The following SLIT2 variants were observed in gnomAD, a reference collection of about 807,000 sequenced individuals.
SLIT2 encodes the protein slit guidance ligand 2.
SLIT2 carries 41 observed loss-of-function variants against 185.7 expected under a neutral mutation model. The ratio of observed to expected loss-of-function variants is 0.22; its 90% CI spans 0.17 to 0.29. The LOEUF (loss-of-function observed/expected upper bound fraction) is 0.29, where lower values mean the gene tolerates loss of function less well. Among genes scored for constraint, SLIT2 ranks in the 10% least tolerant of loss-of-function variants. SLIT2 has a pLI of 1.00. For missense variants in SLIT2, 1,571 were observed against 1,909.0 expected (o/e 0.82, Z 3.30); for synonymous variants, 693 against 680.2 (o/e 1.02, Z -0.29).
chr4:20,569,963 T>C (rs1413898069), intron 29 of SLIT2, among the ~76,000 whole-genome samples: 1 of 152,100 alleles, frequency 6.6e-6, no homozygotes, highest in African/African-American at 2.4e-5. Context: ...AATTAAATTT[T>C]CCCAGGGATT....
At chr4:20,564,627 C>T (rs1724943725) in intron 26 of SLIT2, among the ~76,000 whole-genome samples, 3 of 151,910 alleles carry the variant, frequency 2.0e-5, no homozygotes, top group Middle Eastern at 3.4e-3. Flanking sequence ...GCTAACTTTA[C>T]CATTTTGGTA....
chr4:20,476,456 A>G (rs570858495), intron 5 of SLIT2, among the ~76,000 whole-genome samples: 1 of 152,282 alleles, frequency 6.6e-6, no homozygotes, highest in African/African-American at 2.4e-5. Context: ...AAAGTAAACT[A>G]TTTCTAGCAC....
chr4:20,415,373 T>C (rs1727573137), intron 4 of SLIT2, among the ~76,000 whole-genome samples: 1 of 124,254 alleles, frequency 8.0e-6, no homozygotes, highest in Admixed American at 1.1e-4. Context: ...ATCGCACCAC[T>C]GCGCTCCAGC....
intron 4 of SLIT2, among the ~76,000 whole-genome samples, chr4:20,413,670 C>A (rs551456660): frequency 6.6e-6 from 1 of 152,006 alleles, no homozygotes; most frequent in African/African-American, 2.4e-5. Flanking sequence ...ATATATTGAT[C>A]ATTTTCTAAT....
chr4:20,388,165 A>G (rs1725083287), intron 4 of SLIT2, among the ~76,000 whole-genome samples: 2 of 152,160 alleles, frequency 1.3e-5, no homozygotes, highest in Non-Finnish European at 2.9e-5. Context: ...TTTCTTAAAT[A>G]TGGTATCAAA....
chr4:20,535,909 C>T (rs1350283742), intron 18 of SLIT2, among the ~76,000 whole-genome samples: 1 of 152,054 alleles, frequency 6.6e-6, no homozygotes, highest in Non-Finnish European at 1.5e-5. Flanking sequence ...TGCCATTGTG[C>T]GAACATCCTA....
At chr4:20,433,217 C>T (rs772189252) in intron 4 of SLIT2, among the ~76,000 whole-genome samples, 12 of 152,218 alleles carry the variant, frequency 7.9e-5, no homozygotes, top group Non-Finnish European at 1.6e-4. Context: ...ACTGTGTTGA[C>T]TTAAGACTGG....
intron 4 of SLIT2, among the ~76,000 whole-genome samples, chr4:20,297,966 T>C (rs1363427933): frequency 6.6e-6 from 1 of 152,200 alleles, no homozygotes; most frequent in Non-Finnish European, 1.5e-5. Context: ...CCCAGGCCAG[T>C]GCACACAGCC....
chr4:20,592,942 T>G (rs1458796060), intron 30 of SLIT2, among the ~76,000 whole-genome samples: 1 of 152,200 alleles, frequency 6.6e-6, no homozygotes, highest in Non-Finnish European at 1.5e-5. Context: ...TTTGCTACTC[T>G]TAGAGGCTAT....
At chr4:20,292,851 G>T (rs946119369) in intron 4 of SLIT2, among the ~76,000 whole-genome samples, 3 of 152,234 alleles carry the variant, frequency 2.0e-5, no homozygotes, top group African/African-American at 7.2e-5. Flanking sequence ...ATGATACAGT[G>T]ATAATGTATT....
intron 9 of SLIT2, among the ~76,000 whole-genome samples, chr4:20,505,932 G>A (rs1719169395): frequency 2.0e-5 from 3 of 152,010 alleles, no homozygotes; most frequent in African/African-American, 7.2e-5. Context: ...GAGACAGAAT[G>A]GGAAGAAGTT....
At chr4:20,318,191 A>G (rs1718758494) in intron 4 of SLIT2, among the ~76,000 whole-genome samples, 1 of 152,130 alleles carries the variant, frequency 6.6e-6, no homozygotes, top group Admixed American at 6.5e-5. Flanking sequence ...TGATCCCCTC[A>G]GTAGATGCAA....
chr4:20,441,482 C>T (rs1729733389), intron 4 of SLIT2, among the ~76,000 whole-genome samples: 1 of 147,368 alleles, frequency 6.8e-6, no homozygotes, highest in African/African-American at 2.5e-5. Context: ...TTCCCTCATC[C>T]AATCTCTCTC....
intron 6 of SLIT2, among the ~76,000 whole-genome samples, chr4:20,482,303 C>A (rs1054147683): frequency 2.0e-5 from 3 of 151,854 alleles, no homozygotes; most frequent in Admixed American, 1.3e-4. Context: ...CCATAAATTA[C>A]CTTGTTATTA....
chr4:20,511,101 C>T lies in SLIT2; in HGVS notation c.1022C>T (p.Pro341Leu). 2 of 1,608,126 alleles carry T rather than the reference C, an allele frequency of 1.2e-6. No individual in the cohort carries two copies. The highest frequency in any genetic ancestry group is 1.7e-6 in the Non-Finnish European group (2 of 1,175,356). The change falls in exon 11 of 37, where the codon CCA (proline) becomes CTA (leucine). Residue 341 changes from proline (P) to leucine (L), a missense_variant. Pro to Leu is a moderately conservative substitution (Grantham distance 98, BLOSUM62 -3). Transcript: ENST00000504154. ...AATAATCAGATCTCTGAACTTGCAC[C>T]AGATGCTTTCCAAGGACTACGCTCT... The part of the protein sequence containing the change: ...LSNNQISELA[P>L]DAFQGLRSLN...
chr4:20,555,903 G>T (rs1435256300), intron 26 of SLIT2, among the ~76,000 whole-genome samples: 1 of 151,638 alleles, frequency 6.6e-6, no homozygotes, highest in East Asian at 1.9e-4. Context: ...CAATACCCCA[G>T]AAAATTGTGT....
intron 4 of SLIT2, among the ~76,000 whole-genome samples, chr4:20,385,907 GCTTATGTAATTCTCTT>G (rs1319581205): frequency 6.6e-6 from 1 of 152,078 alleles, no homozygotes; most frequent in Non-Finnish European, 1.5e-5. Context: ...ACTTGTGGTT[GCTTATGTAATTCTCTT>G]CTTTGATAAC....
intron 4 of SLIT2, among the ~76,000 whole-genome samples, chr4:20,390,935 A>G (rs987831990): frequency 6.6e-5 from 10 of 152,114 alleles, no homozygotes; most frequent in Non-Finnish European, 1.5e-4. Context: ...TTTCAAGTTC[A>G]TTGGAAAAAA....
intron 18 of SLIT2, among the ~76,000 whole-genome samples, chr4:20,536,713 T>A (rs1390345532): frequency 2.0e-5 from 3 of 151,916 alleles, no homozygotes; most frequent in Admixed American, 2.0e-4. Context: ...TAACTTTTTT[T>A]ACTCTTTTGT....
Sources: gnomAD v4.1 joint callset for allele counts (sites outside exome capture counted in the v4.1 genomes callset) on GRCh38, gnomAD v4.1.1 for gene constraint, MANE v1.5 for transcripts, NCBI Gene and HGNC (gene_info 2026-07-23, HGNC 2026-07-21) for gene names.